The following ZPLD1 variants were observed in gnomAD, a reference collection of about 807,000 sequenced individuals.
ZPLD1 encodes the protein zona pellucida-like domain-containing protein 1.
Under a neutral mutation model 47.2 loss-of-function variants are expected in ZPLD1, and 34 were observed. That is an observed-to-expected ratio of 0.72 (90% CI 0.55 to 0.96). ZPLD1 has a LOEUF of 0.96. ZPLD1 is among the 40% of genes least tolerant of loss of function. The pLI is 0.00. For missense variants in ZPLD1, 512 were observed against 505.8 expected, an observed-to-expected ratio of 1.01 and a Z score of -0.12; for synonymous variants, 176 against 186.2, an observed-to-expected ratio of 0.95 and a Z score of 0.45.
intron 7 of ZPLD1, among the ~76,000 whole-genome samples, chr3:102,399,658 GA>G (rs1299186044): frequency 6.6e-6 from 1 of 151,480 alleles, no homozygotes; most frequent in Non-Finnish European, 1.5e-5. Context: ...CAACTACAAA[GA>G]AAAAAATAAA....
intron 8 of ZPLD1, among the ~76,000 whole-genome samples, chr3:102,465,366 C>T (rs1324024542): frequency 1.3e-5 from 2 of 152,174 alleles, no homozygotes; most frequent in Non-Finnish European, 2.9e-5. Context: ...GGTTGGCTTT[C>T]TCCTACCTTC....
chr3:102,453,444 C>A (rs1707369993), intron 4 of ZPLD1, among the ~76,000 whole-genome samples: 1 of 152,176 alleles, frequency 6.6e-6, no homozygotes, highest in Non-Finnish European at 1.5e-5. Context: ...CCATATTCCT[C>A]AGGCTTTATA....
In ZPLD1 at chr3:102,387,850, C is replaced by CTTTTTT. The variant is rs1023132648; in HGVS notation, c.-213+2552_-213+2557dup. On this transcript the variant is annotated intron_variant, in intron 6 of 17. Transcript: ENST00000491959. ...TCATGTCCTTCAGTTCTGAGAAATT[C>CTTTTTT]TTTTTTTTTTTTTTTTTTTTTTTTG... 2.9e-3 allele frequency among the ~76,000 whole-genome samples: 234 copies of CTTTTTT among 80,660 alleles called. 3 individuals are homozygous for CTTTTTT. The highest frequency in any genetic ancestry group is 3.9e-3 in the African/African-American group (80 of 20,384). The allele number at this position is 80,660 out of a possible 152,430, so 52.9% of individuals were successfully genotyped here. A position where few individuals can be genotyped will look rare whatever the true frequency, so the allele number is the denominator to read the frequency against.
intron 7 of ZPLD1, among the ~76,000 whole-genome samples, chr3:102,402,131 C>T (rs758340529): frequency 6.6e-6 from 1 of 151,940 alleles, no homozygotes; most frequent in Non-Finnish European, 1.5e-5. Context: ...ATTTCTTAGC[C>T]CACAAGAAGT....
At chr3:102,402,418 T>A (rs1168150355) in intron 7 of ZPLD1, among the ~76,000 whole-genome samples, 1 of 152,072 alleles carries the variant, frequency 6.6e-6, no homozygotes, top group Non-Finnish European at 1.5e-5. Flanking sequence ...TAAACTTTTT[T>A]ATAAAGACTT....
intron 3 of ZPLD1, among the ~76,000 whole-genome samples, chr3:102,440,469 CA>C (rs576712278): frequency 2.6e-5 from 4 of 151,242 alleles, no homozygotes; most frequent in East Asian, 1.9e-4. Flanking sequence ...TGTTAACTGA[CA>C]AAAAAAACAT....
chr3:102,388,676 T>A (rs1706462414), intron 6 of ZPLD1, among the ~76,000 whole-genome samples: 1 of 152,182 alleles, frequency 6.6e-6, no homozygotes, highest in African/African-American at 2.4e-5. Flanking sequence ...TTAATATATT[T>A]AAAAATAAAG....
chr3:102,444,953 G>C (rs943114516), intron 3 of ZPLD1, among the ~76,000 whole-genome samples: 1 of 152,138 alleles, frequency 6.6e-6, no homozygotes, highest in African/African-American at 2.4e-5. Context: ...CTCTCCAGTT[G>C]CTTCTGATTC....
chr3:102,415,881 C>T (rs1706799531), intron 7 of ZPLD1, among the ~76,000 whole-genome samples: 1 of 151,836 alleles, frequency 6.6e-6, no homozygotes, highest in Non-Finnish European at 1.5e-5. Context: ...AATCTAAATT[C>T]AACCTTCTTT....
intron 10 of ZPLD1, among the ~76,000 whole-genome samples, chr3:102,476,307 A>T (rs968612197): frequency 1.1e-4 from 16 of 152,310 alleles, no homozygotes; most frequent in African/African-American, 3.4e-4. Context: ...TACAAGCTCC[A>T]GGGTTGATAG....
chr3:102,462,527 C>A, intron 7 of ZPLD1, 149 bp downstream of exon 7: 1 of 540,550 alleles, frequency 1.8e-6, no homozygotes, highest in Non-Finnish European at 3.2e-6. Context: ...AAAGAAATAA[C>A]AGATTACAAA....
chr3:102,436,426 C>T (rs528596455), intron 1 of ZPLD1, among the ~76,000 whole-genome samples: 1 of 152,130 alleles, frequency 6.6e-6, no homozygotes, highest in South Asian at 2.1e-4. Context: ...ATTGTTTACT[C>T]ATTATAAATG....
chr3:102,414,730 C>G (rs553415003), intron 7 of ZPLD1, among the ~76,000 whole-genome samples: 2 of 151,470 alleles, frequency 1.3e-5, no homozygotes, highest in South Asian at 4.2e-4. Flanking sequence ...GAGAATGTAT[C>G]AGTAAATCTT....
chr3:102,467,835 G>A (rs972347235), intron 8 of ZPLD1, among the ~76,000 whole-genome samples: 8 of 97,928 alleles, frequency 8.2e-5, no homozygotes, highest in Admixed American at 3.0e-4. Context: ...GAATAAAACT[G>A]TACACACACA....
chr3:102,456,796 T>C (rs889426113), intron 5 of ZPLD1, among the ~76,000 whole-genome samples: 8 of 152,198 alleles, frequency 5.3e-5, no homozygotes, highest in African/African-American at 1.9e-4. Flanking sequence ...TTGGCTTCCC[T>C]CTTGGCCATA....
At chr3:102,415,830 A>T (rs1318319279) in intron 7 of ZPLD1, among the ~76,000 whole-genome samples, 2 of 151,848 alleles carry the variant, frequency 1.3e-5, no homozygotes, top group African/African-American at 4.8e-5. Context: ...ACAGGAATGA[A>T]CCATTTAGTT....
intron 7 of ZPLD1, among the ~76,000 whole-genome samples, chr3:102,400,699 T>C (rs1414927107): frequency 6.6e-6 from 1 of 152,096 alleles, no homozygotes; most frequent in Non-Finnish European, 1.5e-5. Context: ...GTTTCCCTCA[T>C]TGGGATAGTG....
At chr3:102,475,288 T>C (rs574849747) in intron 10 of ZPLD1, among the ~76,000 whole-genome samples, 10 of 152,252 alleles carry the variant, frequency 6.6e-5, no homozygotes, top group Admixed American at 3.3e-4. Context: ...ACTGTTTCTA[T>C]GGAAGTGTTG....
chr3:102,398,791 G>A (rs144202787), intron 7 of ZPLD1, among the ~76,000 whole-genome samples: 2 of 152,082 alleles, frequency 1.3e-5, no homozygotes, highest in African/African-American at 2.4e-5. Context: ...AAGTTTGAAG[G>A]CATGTCTATT....
Sources: gnomAD v4.1 joint callset for allele counts (sites outside exome capture counted in the v4.1 genomes callset) on GRCh38, gnomAD v4.1.1 for gene constraint, MANE v1.5 for transcripts, NCBI Gene and HGNC (gene_info 2026-07-23, HGNC 2026-07-21) for gene names.